The following KCNMA1 variants were observed in gnomAD, a reference collection of about 807,000 sequenced individuals.
KCNMA1 encodes the protein Calcium-activated potassium channel subunit alpha-1.
A neutral mutation model predicts 140.0 loss-of-function variants in KCNMA1; 29 were observed. That is an observed-to-expected ratio of 0.21 (90% CI 0.15 to 0.28). The LOEUF is 0.28. Among genes scored for constraint, KCNMA1 ranks in the 10% least tolerant of loss-of-function variants. The probability of loss-of-function intolerance (pLI) is 1.00; values close to 1 mark genes in which losing one functional copy is unlikely to be tolerated. For missense variants in KCNMA1, 880 were observed against 1,602.2 expected (o/e 0.55, Z 7.70); for synonymous variants, 612 against 611.9 (o/e 1.00, Z 0.00).
intron 2 of KCNMA1, among the ~76,000 whole-genome samples, chr10:77,335,314 G>A (rs1401269122): frequency 6.6e-6 from 1 of 152,174 alleles, no homozygotes; most frequent in African/African-American, 2.4e-5. Flanking sequence ...CACAGCCAAG[G>A]AAGGTTAAAT....
intron 3 of KCNMA1, among the ~76,000 whole-genome samples, chr10:77,205,072 G>A (rs1598676306): frequency 1.3e-5 from 2 of 152,066 alleles, no homozygotes; most frequent in South Asian, 4.1e-4. Context: ...TCCTCCCTTG[G>A]TGCCCTGAGA....
intron 4 of KCNMA1, among the ~76,000 whole-genome samples, chr10:77,184,513 C>T (rs2098831759): frequency 6.6e-6 from 1 of 152,208 alleles, no homozygotes; most frequent in Non-Finnish European, 1.5e-5. Flanking sequence ...CCACCACACT[C>T]AGCCTATTTC....
intron 5 of KCNMA1, among the ~76,000 whole-genome samples, chr10:77,178,211 C>T (rs891806449): frequency 4.6e-5 from 7 of 152,070 alleles, no homozygotes; most frequent in East Asian, 1.9e-4. Flanking sequence ...TATCATATGC[C>T]GATTTCATCA....
At chr10:77,592,749 G>A (rs912529236) in intron 1 of KCNMA1, among the ~76,000 whole-genome samples, 1 of 152,190 alleles carries the variant, frequency 6.6e-6, no homozygotes, top group Non-Finnish European at 1.5e-5. Context: ...CTTCTATCCA[G>A]ATGAATTCTG....
intron 20 of KCNMA1, among the ~76,000 whole-genome samples, chr10:76,964,228 C>A (rs1004581272): frequency 1.3e-5 from 2 of 152,054 alleles, no homozygotes; most frequent in Non-Finnish European, 2.9e-5. Context: ...GCCACCCTGG[C>A]AGAACTAGGG....
intron 1 of KCNMA1, among the ~76,000 whole-genome samples, chr10:77,584,014 T>C (rs938204331): frequency 1.3e-5 from 2 of 152,252 alleles, no homozygotes; most frequent in Non-Finnish European, 2.9e-5. Flanking sequence ...GTAAGATGAT[T>C]AAATTCTGTG....
chr10:77,547,638 C>G (rs969316493), intron 1 of KCNMA1, among the ~76,000 whole-genome samples: 2 of 152,212 alleles, frequency 1.3e-5, no homozygotes, highest in African/African-American at 4.8e-5. Flanking sequence ...GTTTCCAGGA[C>G]CTTCCAAGCT....
intron 2 of KCNMA1, chr10:77,304,572 G>A (rs778419527): frequency 2.6e-5 from 4 of 152,204 alleles, no homozygotes; most frequent in Admixed American, 6.5e-5. Context: ...GGAGCAACAC[G>A]TGCCATAATG....
At chr10:77,114,250 G>T (rs2097396383) in intron 6 of KCNMA1, among the ~76,000 whole-genome samples, 1 of 152,154 alleles carries the variant, frequency 6.6e-6, no homozygotes, top group Admixed American at 6.5e-5. Context: ...AGGTCCCTAA[G>T]AGCTGAGGCC....
chr10:76,971,984 T>TGTGTGG (rs1349343964), intron 19 of KCNMA1, among the ~76,000 whole-genome samples: 1 of 151,828 alleles, frequency 6.6e-6, no homozygotes, highest in African/African-American at 2.4e-5. Flanking sequence ...GGTGTGTGTG[T>TGTGTGG]GTGTGTGTGT....
chr10:77,239,492 C>T (rs1448399240), intron 3 of KCNMA1, among the ~76,000 whole-genome samples: 1 of 152,170 alleles, frequency 6.6e-6, no homozygotes. Context: ...AGGACAACTG[C>T]ATTCTAGTAG....
chr10:76,977,294 T>A lies in KCNMA1; in HGVS notation c.2267-7227A>T, dbSNP rs141637691. 2.3e-4 allele frequency among the ~76,000 whole-genome samples: 35 copies of A among 152,334 alleles called. No individual in the cohort carries two copies. The East Asian group carries it at 6.6e-3, about 29-fold the overall frequency. On this transcript the variant is annotated intron_variant, in intron 19 of 27. Coordinates refer to ENST00000286628, the MANE Select transcript of KCNMA1 (RefSeq NM_001161352.2). Reference sequence around the variant, plus strand: ...AACTGTAGCCTGCCACCTGTTTTTGTACATCACATGAGCTAAGAGTGTGTT... The same window carrying A: ...AACTGTAGCCTGCCACCTGTTTTTGAACATCACATGAGCTAAGAGTGTGTT...
intron 3 of KCNMA1, 28 bp downstream of exon 3, chr10:77,251,167 G>A (rs761287998): frequency 6.5e-6 from 10 of 1,539,592 alleles, no homozygotes; most frequent in Non-Finnish European, 8.1e-6. Flanking sequence ...TATGAAACGA[G>A]GGCAAGAAAG....
intron 1 of KCNMA1, among the ~76,000 whole-genome samples, chr10:77,578,677 G>A (rs1444707334): frequency 3.3e-5 from 5 of 152,154 alleles, no homozygotes; most frequent in African/African-American, 9.6e-5. Flanking sequence ...GTATCCAGCC[G>A]CCAAGGGCTC....
intron 1 of KCNMA1, among the ~76,000 whole-genome samples, chr10:77,510,445 C>G (rs2047948509): frequency 1.3e-5 from 2 of 152,158 alleles, no homozygotes; most frequent in South Asian, 4.1e-4. Context: ...CTGGAAGCCT[C>G]TATGGAGTGC....
chr10:76,967,481 A>G (rs2074399657), intron 20 of KCNMA1, among the ~76,000 whole-genome samples: 2 of 152,192 alleles, frequency 1.3e-5, no homozygotes, highest in Admixed American at 1.3e-4. Flanking sequence ...CCAGTGCCAG[A>G]TATTCAAATG....
intron 2 of KCNMA1, among the ~76,000 whole-genome samples, chr10:77,349,940 C>G (rs554375819): frequency 6.6e-5 from 10 of 152,322 alleles, no homozygotes; most frequent in African/African-American, 2.4e-4. Flanking sequence ...GTCACCCAGC[C>G]TGGAGTATAG....
At chr10:77,023,814 A>T (rs1028143738) in intron 16 of KCNMA1, among the ~76,000 whole-genome samples, 2 of 152,104 alleles carry the variant, frequency 1.3e-5, no homozygotes, top group South Asian at 4.2e-4. Flanking sequence ...AGACACACAC[A>T]CTTTTACTTT....
intron 3 of KCNMA1, among the ~76,000 whole-genome samples, chr10:77,219,866 C>T (rs940443710): frequency 3.3e-5 from 5 of 152,172 alleles, no homozygotes; most frequent in South Asian, 2.1e-4. Flanking sequence ...CATGGTAACT[C>T]ATGATTGCCG....
Sources: allele counts gnomAD v4.1 joint callset (sites outside exome capture counted in the v4.1 genomes callset), GRCh38; gene constraint gnomAD v4.1.1; transcripts MANE v1.5; gene names NCBI Gene and HGNC (gene_info 2026-07-23, HGNC 2026-07-21).